Variants in SHPK observed in about 807,000 individuals in gnomAD.
SHPK encodes the protein sedoheptulokinase.
SHPK carries 51 observed loss-of-function variants against 46.3 expected under a neutral mutation model. The observed-to-expected ratio is 1.10, with a 90% CI of 0.88 to 1.39. The LOEUF is 1.39. Among genes scored for constraint, SHPK ranks in the 40% most tolerant of loss-of-function variants. The probability of loss-of-function intolerance (pLI) is 0.00; values close to 1 mark genes in which losing one functional copy is unlikely to be tolerated. For synonymous variants in SHPK, 290 were observed against 273.9 expected (o/e 1.06, Z -0.58); for missense variants, 668 against 641.3 (o/e 1.04, Z -0.45).
chr17:3,620,501 C>G (rs1157043184), intron 5 of SHPK, among the ~76,000 whole-genome samples: 1 of 151,782 alleles, frequency 6.6e-6, no homozygotes, highest in Non-Finnish European at 1.5e-5. Flanking sequence ...CTCCTGACCT[C>G]GTGATCCACC....
chr17:3,629,981 G>A (rs967807990), intron 2 of SHPK, among the ~76,000 whole-genome samples: 21 of 152,236 alleles, frequency 1.4e-4, no homozygotes, highest in African/African-American at 5.1e-4. Flanking sequence ...CCTGTTCGTG[G>A]ATAACGTGCT....
At chr17:3,618,257 C>G (rs1452427187) in intron 5 of SHPK, among the ~76,000 whole-genome samples, 2 of 151,990 alleles carry the variant, frequency 1.3e-5, no homozygotes, top group Non-Finnish European at 2.9e-5. Context: ...AGGTGCCCAC[C>G]ACCACACCTG....
chr17:3,623,283 G>A (rs776042127), intron 4 of SHPK, 56 bp downstream of exon 4: 10 of 1,596,360 alleles, frequency 6.3e-6, no homozygotes, highest in African/African-American at 2.7e-5. Context: ...CACTGGCTCC[G>A]GGGTTGCCCT....
Position 3,621,223 on chromosome 17 carries a change from A to G in SHPK, c.823+14T>C. On this transcript the variant is annotated intron_variant, in intron 5 of 6. Transcript: ENST00000225519. The stretch of plus-strand genomic sequence containing the variant: ...ACAGTGTAAGTCTGAGGACAGAACA[A>G]AAGAAAAACTTACCTGCATCTGTCC... 6.3e-7 allele frequency: 1 copy of G among 1,591,894 alleles called. No homozygotes were observed. Among genetic ancestry groups the G allele is most frequent in the Non-Finnish European group, 8.6e-7 (1 of 1,169,100 alleles).
At chr17:3,615,747 A>T (rs1334895638) in intron 5 of SHPK, among the ~76,000 whole-genome samples, 1 of 151,832 alleles carries the variant, frequency 6.6e-6, no homozygotes, top group Admixed American at 6.6e-5. Context: ...GGGCTAACTC[A>T]GAGGTCACAA....
chr17:3,630,210 C>T lies in SHPK; in HGVS notation c.305G>A (p.Gly102Asp), dbSNP rs1371894291. 1 of 1,613,944 alleles carries T rather than the reference C, an allele frequency of 6.2e-7. No individual in the cohort carries two copies. Among genetic ancestry groups the T allele is most frequent in the East Asian group, 2.2e-5 (1 of 44,868 alleles). ...QMHGVVFWKTGQGCEWTEGGI... is the reference protein window; with the variant it reads ...QMHGVVFWKTDQGCEWTEGGI... The stretch of plus-strand genomic sequence containing the variant: ...CATCCCCGAGCCCAGCATACCTTGG[C>T]CTGTTTTCCAAAACACGACTCCATG... The change falls in exon 2 of 7, where the codon GGC (glycine) becomes GAC (aspartate). Residue 102 changes from glycine (G) to aspartate (D), a missense_variant. Coordinates refer to ENST00000225519, the MANE Select transcript of SHPK (RefSeq NM_013276.4).
Position 3,610,880 on chromosome 17 carries a change from G to C in SHPK, c.1117C>G (p.Leu373Val). 6.2e-7 allele frequency: 1 copy of C among 1,613,916 alleles called. No homozygotes were observed. Among genetic ancestry groups the C allele is most frequent in the Non-Finnish European group, 8.5e-7 (1 of 1,179,904 alleles). The change falls in exon 7 of 7, where the codon CTG becomes GTG. Residue 373 changes from leucine (L) to valine (V), a missense_variant. Transcript: ENST00000225519. The part of the protein sequence containing the change: ...DTHLTITPTV[L>V]GERHLPDQLA... ...TGGTCCGGCAGGTGCCTCTCCCCCA[G>C]CACTGTCGGGGTGATGGTCAGGTGG...
At chr17:3,623,789 C>G (rs2075416731) in intron 3 of SHPK, among the ~76,000 whole-genome samples, 2 of 152,204 alleles carry the variant, frequency 1.3e-5, no homozygotes. Flanking sequence ...CGAACTCTCC[C>G]CGTGACCCTC....
chr17:3,614,559 T>C (rs2075360980), intron 6 of SHPK, among the ~76,000 whole-genome samples: 1 of 139,516 alleles, frequency 7.2e-6, no homozygotes, highest in Non-Finnish European at 1.5e-5. Context: ...AAGAAATGCC[T>C]ACATCAGGCC....
At chr17:3,612,131 GAA>G (rs36013202) in intron 6 of SHPK, among the ~76,000 whole-genome samples, 31 of 142,810 alleles carry the variant, frequency 2.2e-4, no homozygotes, top group Non-Finnish European at 2.3e-4. Context: ...ACAAACAAAC[GAA>G]AAAAAAAAAA....
chr17:3,631,834 C>T (rs2075474426), intron 1 of SHPK, among the ~76,000 whole-genome samples: 1 of 151,430 alleles, frequency 6.6e-6, no homozygotes, highest in Non-Finnish European at 1.5e-5. Context: ...GATTATCACA[C>T]ATCAAACTGA....
intron 1 of SHPK, among the ~76,000 whole-genome samples, chr17:3,631,691 T>A (rs889830846): frequency 6.6e-6 from 1 of 151,016 alleles, no homozygotes; most frequent in Non-Finnish European, 1.5e-5. Context: ...CCGGGCTAAT[T>A]TTTGTATTTT....
rs2075330543 is a variant in SHPK, at chr17:3,610,537, CG to C, written c.*22del. The C allele has an allele frequency of 1.3e-6, 2 of 1,573,914 alleles. No individual in the cohort carries two copies. Among genetic ancestry groups the C allele is most frequent in the Admixed American group, 3.5e-5 (2 of 57,898 alleles). On this transcript the variant is annotated 3_prime_UTR_variant, in exon 7 of 7. Transcript: ENST00000225519. ...TTAATCAGGTAAAATTCACAGCAGT[CG>C]TTTGGCGAAAGAGTTTGCTGTCTAA...
chr17:3,630,143 G>A, intron 2 of SHPK, 62 bp downstream of exon 2: 2 of 1,601,890 alleles, frequency 1.2e-6, no homozygotes, highest in East Asian at 2.2e-5. Context: ...GCCCCGCACA[G>A]CACTGCTCTA....
chr17:3,611,414 C>T (rs1013493427), intron 6 of SHPK, among the ~76,000 whole-genome samples: 1 of 152,156 alleles, frequency 6.6e-6, no homozygotes, highest in African/African-American at 2.4e-5. Flanking sequence ...ACTAAAAGTA[C>T]AAAAATTAAC....
intron 1 of SHPK, among the ~76,000 whole-genome samples, chr17:3,632,842 C>T (rs1395432941): frequency 1.3e-5 from 2 of 152,104 alleles, no homozygotes; most frequent in Non-Finnish European, 2.9e-5. Flanking sequence ...CCCTCGAAAA[C>T]CTTGTATTTT....
Position 3,610,868 on chromosome 17 carries a change from G to A in SHPK, c.1129C>T (p.His377Tyr), listed in dbSNP as rs778032729. 8.1e-6 allele frequency: 13 copies of A among 1,614,020 alleles called. No individual in the cohort carries two copies. The highest frequency in any genetic ancestry group is 9.3e-6 in the Non-Finnish European group (11 of 1,180,018). The change falls in exon 7 of 7, where the codon CAC (histidine) becomes TAC (tyrosine). Residue 377 changes from histidine (H) to tyrosine (Y), a missense_variant. Coordinates refer to ENST00000225519, the MANE Select transcript of SHPK (RefSeq NM_013276.4). ...ACTGAGGCCAGCTGGTCCGGCAGGT[G>A]CCTCTCCCCCAGCACTGTCGGGGTG... is the stretch of plus-strand genomic sequence containing the variant. ...TITPTVLGER[H>Y]LPDQLASVTR...
intron 2 of SHPK, 111 bp from the exon 3 acceptor site, chr17:3,624,342 G>T: frequency 9.8e-7 from 1 of 1,017,598 alleles, no homozygotes; most frequent in Non-Finnish European, 1.4e-6. Flanking sequence ...ATCGTCCCAT[G>T]ATAAAGCCTG....
rs1316750398 is a variant in SHPK, at chr17:3,610,839, G to A, written c.1158C>T (p.Thr386=). 1.2e-6 allele frequency: 2 copies of A among 1,613,990 alleles called. No homozygotes were observed. Among genetic ancestry groups the A allele is most frequent in the Non-Finnish European group, 1.7e-6 (2 of 1,180,024 alleles). Residue 386 remains threonine, a synonymous_variant, in exon 7 of 7, where the codon ACC becomes ACT. Coordinates refer to ENST00000225519, the MANE Select transcript of SHPK (RefSeq NM_013276.4). ...RHLPDQLASV[T]RISSSDLSLG... ...GGGAGAGGTCGGAGGAGGAGATTCT[G>A]GTCACTGAGGCCAGCTGGTCCGGCA...
Sources: allele counts gnomAD v4.1 joint callset (sites outside exome capture counted in the v4.1 genomes callset), GRCh38; gene constraint gnomAD v4.1.1; transcripts MANE v1.5; gene names NCBI Gene and HGNC (gene_info 2026-07-23, HGNC 2026-07-21).